PTCHD4: variants seen among roughly 807,000 people sequenced by gnomAD.
PTCHD4 encodes patched domain-containing protein 4.
Under a neutral mutation model 58.1 loss-of-function variants are expected in PTCHD4, and 33 were observed. The observed-to-expected ratio is 0.57, with a 90% CI of 0.43 to 0.76. The LOEUF (loss-of-function observed/expected upper bound fraction) is 0.76. Among genes scored for constraint, PTCHD4 ranks in the 30% least tolerant of loss-of-function variants. PTCHD4 has a pLI of 0.00. For missense variants in PTCHD4, 1,058 were observed against 1,027.1 expected, an observed-to-expected ratio of 1.03 and a Z score of -0.41; for synonymous variants, 478 against 409.6, an observed-to-expected ratio of 1.17 and a Z score of -2.02.
chr6:47,935,280 T>A (rs530610066), intron 4 of PTCHD4, among the ~76,000 whole-genome samples: 10 of 152,340 alleles, frequency 6.6e-5, no homozygotes, highest in Admixed American at 6.5e-4. Context: ...GTATGCTACC[T>A]CTTAATTTGT....
intron 4 of PTCHD4, among the ~76,000 whole-genome samples, chr6:47,984,173 A>G (rs1767982770): frequency 6.6e-6 from 1 of 152,206 alleles, no homozygotes. Context: ...TTTGCTAGAC[A>G]TTAAACCAAA....
intron 4 of PTCHD4, among the ~76,000 whole-genome samples, chr6:47,985,639 T>C (rs925453579): frequency 2.0e-5 from 3 of 152,116 alleles, no homozygotes; most frequent in Non-Finnish European, 4.4e-5. Context: ...TTGCTATTTG[T>C]ATTATATATC....
rs375895828 is a variant in PTCHD4, at chr6:47,914,741, CTAT to C, written c.899-34808_899-34806del. Among the ~76,000 whole-genome samples the C allele has an allele frequency of 6.4e-3, 574 of 90,238 alleles. 4 individuals carry two copies. The highest frequency in any genetic ancestry group is 0.02 in the East Asian group (59 of 2,944). The allele number at this position is 90,238 out of a possible 152,430, so 59.2% of individuals were successfully genotyped here. ...GTCTGTCTATCTATCTATTATCTAT[CTAT>C]TATCTATCTATCTATCTATCTATCT... is the stretch of plus-strand genomic sequence containing the variant. On this transcript the variant is annotated intron_variant, in intron 4 of 4. Coordinates refer to ENST00000339488, the MANE Select transcript of PTCHD4 (RefSeq NM_001384253.1).
At chr6:48,092,418 A>T (rs563303291) in intron 1 of PTCHD4, among the ~76,000 whole-genome samples, 3 of 152,324 alleles carry the variant, frequency 2.0e-5, no homozygotes, top group African/African-American at 7.2e-5. Context: ...TCCATCGGCC[A>T]GTATTGAGAG....
chr6:48,086,458 C>CAA (rs199629392), intron 1 of PTCHD4, among the ~76,000 whole-genome samples: 2 of 144,378 alleles, frequency 1.4e-5, no homozygotes, highest in Non-Finnish European at 1.5e-5. Context: ...TAGTATCCAT[C>CAA]AAAAAAAAAA....
intron 3 of PTCHD4, among the ~76,000 whole-genome samples, chr6:48,021,901 G>A (rs903783199): frequency 6.6e-6 from 1 of 151,992 alleles, no homozygotes; most frequent in South Asian, 2.1e-4. Context: ...CTGAAGATAG[G>A]GGATGAAGGT....
In PTCHD4 at chr6:47,877,964, T is replaced by C. The variant is rs1009175115; in HGVS notation, c.*339A>G. On this transcript the variant is annotated 3_prime_UTR_variant, in exon 5 of 5. Transcript: ENST00000339488. Reference sequence around the variant, plus strand: ...CTATTTGAAGGACACCTTTCCTTGCTTCTCCATCACTCCTAAGCATTTTAT... The same window carrying C: ...CTATTTGAAGGACACCTTTCCTTGCCTCTCCATCACTCCTAAGCATTTTAT... The C allele has an allele frequency of 2.3e-5, 4 of 176,852 alleles. No homozygotes were observed. Among genetic ancestry groups the C allele is most frequent in the Non-Finnish European group, 4.7e-5 (4 of 84,902 alleles). 11.0% of individuals were successfully genotyped at this position (176,852 alleles called of 1,614,324 possible).
chr6:47,979,226 C>A (rs570129651), intron 4 of PTCHD4, among the ~76,000 whole-genome samples: 1 of 151,914 alleles, frequency 6.6e-6, no homozygotes, highest in South Asian at 2.1e-4. Flanking sequence ...CCTGGGATGA[C>A]GGAGTGTTTT....
At position 48,068,524 on chromosome 6, in the gene PTCHD4, A is replaced by C; in HGVS notation, c.123T>G (p.Phe41Leu). The C allele has an allele frequency of 1.1e-5, 18 of 1,612,010 alleles. No individual in the cohort carries two copies. Among genetic ancestry groups the C allele is most frequent in the Non-Finnish European group, 1.4e-5 (16 of 1,179,708 alleles). The change falls in exon 3 of 5, where the codon TTT becomes TTG. Residue 41 changes from phenylalanine (F) to leucine (L), a missense_variant. Phe to Leu is a conservative substitution (Grantham distance 22). Transcript: ENST00000339488. This position sits in a 1 kb window ranked among gnomAD's most constrained non-coding sequence, Gnocchi z 4.2. The stretch of plus-strand genomic sequence containing the variant: ...TCAGGACTGCGGGCACGGTGAGGAA[A>C]AAGACCGGGTGCCGGCTCACGCACA... ...LGLCVSRHPV[F>L]FLTVPAVLTI...
chr6:48,061,171 G>A (rs1764614777), intron 3 of PTCHD4, among the ~76,000 whole-genome samples: 1 of 152,096 alleles, frequency 6.6e-6, no homozygotes, highest in African/African-American at 2.4e-5. Flanking sequence ...CCACTATTGT[G>A]AAATAACTGC....
chr6:47,895,761 C>T (rs1764511168), intron 4 of PTCHD4, among the ~76,000 whole-genome samples: 2 of 151,894 alleles, frequency 1.3e-5, no homozygotes, highest in South Asian at 2.1e-4. Flanking sequence ...AAAATTTGCT[C>T]CCAGTTGTAT....
At chr6:47,988,833 ACT>A (rs1354449339) in intron 4 of PTCHD4, among the ~76,000 whole-genome samples, 1 of 152,176 alleles carries the variant, frequency 6.6e-6, no homozygotes, top group East Asian at 1.9e-4. Context: ...GTGAAAATGG[ACT>A]AATTCAGTAA....
chr6:48,028,422 CT>C (rs1763324915), intron 3 of PTCHD4, among the ~76,000 whole-genome samples: 1 of 151,876 alleles, frequency 6.6e-6, no homozygotes, highest in Admixed American at 6.6e-5. Context: ...CATAGAAGGT[CT>C]GTGGAAAAGA....
At chr6:47,908,926 T>C (rs1404551397) in intron 4 of PTCHD4, among the ~76,000 whole-genome samples, 1 of 152,116 alleles carries the variant, frequency 6.6e-6, no homozygotes, top group African/African-American at 2.4e-5. Context: ...ATAATAATAA[T>C]GATGCAAATA....
chr6:48,022,983 A>G (rs917643225), intron 3 of PTCHD4, among the ~76,000 whole-genome samples: 2 of 152,144 alleles, frequency 1.3e-5, no homozygotes, highest in African/African-American at 2.4e-5. Flanking sequence ...CTTGCATTCC[A>G]CTTACAAATA....
At chr6:47,887,657 G>T (rs114793640) in intron 4 of PTCHD4, among the ~76,000 whole-genome samples, 60 of 152,288 alleles carry the variant, frequency 3.9e-4, no homozygotes, top group Non-Finnish European at 7.9e-4. Flanking sequence ...GGTAGAAACA[G>T]GTTCATAAGA....
At chr6:48,064,991 ATCTAAGCC>A (rs1764748679) in intron 3 of PTCHD4, among the ~76,000 whole-genome samples, 1 of 152,052 alleles carries the variant, frequency 6.6e-6, no homozygotes, top group African/African-American at 2.4e-5. Flanking sequence ...TACCAGTTTT[ATCTAAGCC>A]TCTATTTGGA....
chr6:48,039,316 T>C (rs1050944391), intron 3 of PTCHD4, among the ~76,000 whole-genome samples: 1 of 152,170 alleles, frequency 6.6e-6, no homozygotes, highest in Non-Finnish European at 1.5e-5. Flanking sequence ...ATTCCATTTA[T>C]ATAATGTTCA....
At chr6:47,885,613 G>A (rs949112544) in intron 4 of PTCHD4, among the ~76,000 whole-genome samples, 5 of 152,142 alleles carry the variant, frequency 3.3e-5, no homozygotes, top group East Asian at 1.9e-4. Context: ...TTATAATTCC[G>A]TTTGAGCTTC....
Sources: gnomAD v4.1 joint callset for allele counts (sites outside exome capture counted in the v4.1 genomes callset) on GRCh38, gnomAD v4.1.1 for gene constraint, Gnocchi (gnomAD v3.1) non-coding constraint, MANE v1.5 for transcripts, NCBI Gene and HGNC (gene_info 2026-07-23, HGNC 2026-07-21) for gene names.